The following CEBPD variants were observed in gnomAD, a reference collection of about 807,000 sequenced individuals.
CEBPD encodes the protein CCAAT/enhancer-binding protein delta.
For synonymous variants in CEBPD, 227 were observed against 194.8 expected, an observed-to-expected ratio of 1.17 and a Z score of -1.38; for missense variants, 410 against 409.4, an observed-to-expected ratio of 1.00 and a Z score of -0.01.
Position 47,737,878 on chromosome 8 carries a change from G to C in CEBPD, c.243C>G (p.Leu81=), listed in dbSNP as rs1589675402. 6.6e-7 allele frequency: 1 copy of C among 1,514,590 alleles called. No individual in the cohort carries two copies. Among genetic ancestry groups the C allele is most frequent in the East Asian group, 2.7e-5 (1 of 36,430 alleles). 93.8% of individuals were successfully genotyped at this position (1,514,590 alleles called of 1,614,324 possible). Residue 81 remains leucine, a synonymous_variant, in exon 1 of 1, where the codon CTC becomes CTG. Coordinates refer to ENST00000408965, the MANE Select transcript of CEBPD (RefSeq NM_005195.4). ...GATTGCTGTTGAAGAGGTCGGCGAA[G>C]AGCTCGTCGTGGCACAGCTCCAGGG... ...VPTLELCHDE[L]FADLFNSNHK... is the part of the protein sequence containing the mutation.
At position 47,737,838 on chromosome 8, in the gene CEBPD, C is replaced by A. The variant is rs777241531; in HGVS notation, c.283G>T (p.Ala95Ser). ...LFNSNHKAGGAGPLELLPGGP... is the reference protein window; with the variant it reads ...LFNSNHKAGGSGPLELLPGGP... ...CCGGGAAGAAGCTCCAGGGGCCCCG[C>A]GCCGCCCGCCTTGTGATTGCTGTTG... is the stretch of plus-strand genomic sequence containing the variant. Residue 95 changes from alanine to serine, a missense_variant, in exon 1 of 1, where the codon GCG (alanine) becomes TCG (serine). Coordinates refer to ENST00000408965, the MANE Select transcript of CEBPD (RefSeq NM_005195.4). 1 of 1,460,466 alleles carries A rather than the reference C, an allele frequency of 6.8e-7. No homozygotes were observed. Among genetic ancestry groups the A allele is most frequent in the South Asian group, 1.3e-5 (1 of 74,484 alleles). The allele number at this position is 1,460,466 out of a possible 1,614,324, so 90.5% of individuals were successfully genotyped here.
In CEBPD at chr8:47,737,848, C is replaced by T. The variant is rs113725090; in HGVS notation, c.273G>A (p.Lys91=). 5.4e-6 allele frequency: 8 copies of T among 1,485,320 alleles called. No individual in the cohort carries two copies. The African/African-American group carries it at 7.2e-5, about 13-fold the overall frequency. The allele number at this position is 1,485,320 out of a possible 1,614,324, so 92.0% of individuals were successfully genotyped here. A position where few individuals can be genotyped will look rare whatever the true frequency, so the allele number is the denominator to read the frequency against. ...GCTCCAGGGGCCCCGCGCCGCCCGC[C>T]TTGTGATTGCTGTTGAAGAGGTCGG... ...LFADLFNSNH[K]AGGAGPLELL... The change falls in exon 1 of 1, where the codon AAG becomes AAA. Residue 91 remains lysine, a synonymous_variant. Coordinates refer to ENST00000408965, the MANE Select transcript of CEBPD (RefSeq NM_005195.4).
chr8:47,738,045 C>A lies in CEBPD; in HGVS notation c.76G>T (p.Glu26Ter). Residue 26 changes from glutamate to a stop codon, truncating the protein, a stop_gained, in exon 1 of 1, where the codon GAA becomes TAA. Transcript: ENST00000408965. LOFTEE classifies it low-confidence loss of function (END_TRUNC). The surrounding 1 kb of genome is among the most constrained non-coding windows in gnomAD (Gnocchi z 4.1). ...CCCGGCTTGCCCGCCCGGCCCGGTT[C>A]GTAGAAGGGCGCAGGCTCCGCAGGC... ...PWPAEPAPFYEPGRAGKPGRG... is the reference protein window; with the variant it reads ...PWPAEPAPFY 2 of 1,274,322 alleles carry A rather than the reference C, an allele frequency of 1.6e-6. No homozygotes were observed. Among genetic ancestry groups the A allele is most frequent in the Non-Finnish European group, 9.9e-7 (1 of 1,010,832 alleles). 78.9% of individuals were successfully genotyped at this position (1,274,322 alleles called of 1,614,324 possible).
chr8:47,737,562 G>C lies in CEBPD; in HGVS notation c.559C>G (p.Pro187Ala). 1 of 1,571,592 alleles carries C rather than the reference G, an allele frequency of 6.4e-7. No individual in the cohort carries two copies. The highest frequency in any genetic ancestry group is 8.6e-7 in the Non-Finnish European group (1 of 1,163,142). The change falls in exon 1 of 1, where the codon CCG becomes GCG. Residue 187 changes from proline to alanine, a missense_variant. Transcript: ENST00000408965. ...AREKSAGKRG[P>A]DRGSPEYRQR... ...CGGTACTCGGGGCTGCCGCGGTCCGGGCCCCTCTTGCCGGCGCTCTTCTCC... is the reference window on the plus strand; with the variant it reads ...CGGTACTCGGGGCTGCCGCGGTCCGCGCCCCTCTTGCCGGCGCTCTTCTCC...
Position 47,736,986 on chromosome 8 carries a change from T to C in CEBPD, c.*325A>G, listed in dbSNP as rs1307068166. 2.6e-5 allele frequency: 8 copies of C among 309,108 alleles called. No homozygotes were observed. Among genetic ancestry groups the C allele is most frequent in the Non-Finnish European group, 4.7e-5 (8 of 170,672 alleles). 19.1% of individuals were successfully genotyped at this position (309,108 alleles called of 1,614,324 possible). A position where few individuals can be genotyped will look rare whatever the true frequency, so the allele number is the denominator to read the frequency against. ...TAAAAAAGTGAGCATGCTCAGTCTT[T>C]TCCTCTTATCTACAATACAAAGGGT... On this transcript the variant is annotated 3_prime_UTR_variant, in exon 1 of 1. Transcript: ENST00000408965.
chr8:47,738,010 G>A lies in CEBPD; in HGVS notation c.111C>T (p.Ala37=). 1.5e-6 allele frequency: 2 copies of A among 1,343,448 alleles called. No homozygotes were observed. The highest frequency in any genetic ancestry group is 9.6e-7 in the Non-Finnish European group (1 of 1,043,888). The allele number at this position is 1,343,448 out of a possible 1,614,324, so 83.2% of individuals were successfully genotyped here. A position where few individuals can be genotyped will look rare whatever the true frequency, so the allele number is the denominator to read the frequency against. ...CTGGCTCGCCTAGGGCCCCTGGCTC[G>A]GCCCCGCGGCCCGGCTTGCCCGCCC... ...PGRAGKPGRG[A]EPGALGEPGA... The change falls in exon 1 of 1, where the codon GCC becomes GCT. Residue 37 remains alanine, a synonymous_variant. Coordinates refer to ENST00000408965, the MANE Select transcript of CEBPD (RefSeq NM_005195.4). The surrounding 1 kb of genome is among the most constrained non-coding windows in gnomAD (Gnocchi z 4.1).
chr8:47,737,337 C>T lies in CEBPD; in HGVS notation c.784G>A (p.Ala262Thr). Residue 262 changes from alanine (A) to threonine (T), a missense_variant, in exon 1 of 1, where the codon GCC becomes ACC. Physicochemically the swap from Ala to Thr is moderately conservative, Grantham distance 58 (BLOSUM62 0). Transcript: ENST00000408965. ...TACCGGCAGTCTGCTGTCCCGGCGG[C>T]CGGCAGGAAGGGCGGGCTGGGCAGC... is the stretch of plus-strand genomic sequence containing the variant. The part of the protein sequence containing the change: ...KQLPSPPFLP[A>T]AGTADCR 1 of 1,594,910 alleles carries T rather than the reference C, an allele frequency of 6.3e-7. No individual in the cohort carries two copies. The highest frequency in any genetic ancestry group is 8.5e-7 in the Non-Finnish European group (1 of 1,172,856).
chr8:47,737,974 G>C lies in CEBPD; in HGVS notation c.147C>G (p.Ala49=), dbSNP rs1563717393. 6.8e-7 allele frequency: 1 copy of C among 1,474,312 alleles called. No individual in the cohort carries two copies. The highest frequency in any genetic ancestry group is 9.0e-7 in the Non-Finnish European group (1 of 1,107,536). 91.3% of individuals were successfully genotyped at this position (1,474,312 alleles called of 1,614,324 possible). A position where few individuals can be genotyped will look rare whatever the true frequency, so the allele number is the denominator to read the frequency against. Residue 49 remains alanine (A), a synonymous_variant, in exon 1 of 1, where the codon GCC becomes GCG. Transcript: ENST00000408965. ...PGALGEPGAA[A]PAMYDDESAI... ...CGCTCTCGTCGTCGTACATGGCGGG[G>C]GCGGCGGCGCCTGGCTCGCCTAGGG...
rs961130780 is a variant in CEBPD, at chr8:47,737,185, T to G, written c.*126A>C. The G allele has an allele frequency of 1.3e-6, 1 of 784,158 alleles. No individual in the cohort carries two copies. Among genetic ancestry groups the G allele is most frequent in the Non-Finnish European group, 1.9e-6 (1 of 516,200 alleles). 48.6% of individuals were successfully genotyped at this position (784,158 alleles called of 1,614,324 possible). ...CCAGGCTGTAGCTTCTTTGCGCTCC[T>G]ATGTCCCAAGAAACTGCAGCGGGCA... On this transcript the variant is annotated 3_prime_UTR_variant, in exon 1 of 1. Transcript: ENST00000408965.
Position 47,737,018 on chromosome 8 carries a change from G to C in CEBPD, c.*293C>G, listed in dbSNP as rs552256601. 24 of 377,212 alleles carry C rather than the reference G, an allele frequency of 6.4e-5. No individual in the cohort carries two copies. The highest frequency in any genetic ancestry group is 4.8e-4 in the African/African-American group (23 of 48,050). 23.4% of individuals were successfully genotyped at this position (377,212 alleles called of 1,614,324 possible). A position where few individuals can be genotyped will look rare whatever the true frequency, so the allele number is the denominator to read the frequency against. On this transcript the variant is annotated 3_prime_UTR_variant, in exon 1 of 1. Coordinates refer to ENST00000408965, the MANE Select transcript of CEBPD (RefSeq NM_005195.4). The stretch of plus-strand genomic sequence containing the variant: ...TATCTACAATACAAAGGGTTTGTCT[G>C]AAAAGTCTGGTTTTTTTTCTTTTTA...
chr8:47,738,104 A>T lies in CEBPD; in HGVS notation c.17T>A (p.Phe6Tyr). 2 of 1,181,704 alleles carry T rather than the reference A, an allele frequency of 1.7e-6. No individual in the cohort carries two copies. The highest frequency in any genetic ancestry group is 2.1e-6 in the Non-Finnish European group (2 of 956,466). The allele number at this position is 1,181,704 out of a possible 1,614,324, so 73.2% of individuals were successfully genotyped here. Residue 6 changes from phenylalanine to tyrosine, a missense_variant, in exon 1 of 1, where the codon TTC becomes TAC. Transcript: ENST00000408965. The surrounding 1 kb of genome is among the most constrained non-coding windows in gnomAD (Gnocchi z 4.1). MSAAL[F>Y]SLDGPARGAP... ...GCCGCGCGCCGGGCCGTCCAGGCTG[A>T]AGAGCGCGGCGCTCATGGCGGCGTC... is the stretch of plus-strand genomic sequence containing the variant.
At position 47,737,564 on chromosome 8, in the gene CEBPD, C is replaced by T. The variant is rs761817545; in HGVS notation, c.557G>A (p.Gly186Asp). Residue 186 changes from glycine (G) to aspartate (D), a missense_variant, in exon 1 of 1, where the codon GGC becomes GAC. By Grantham distance (94) the Gly-to-Asp change is moderately conservative. Coordinates refer to ENST00000408965, the MANE Select transcript of CEBPD (RefSeq NM_005195.4). ...GTACTCGGGGCTGCCGCGGTCCGGG[C>T]CCCTCTTGCCGGCGCTCTTCTCCCG... ...PAREKSAGKRGPDRGSPEYRQ... is the reference protein window; with the variant it reads ...PAREKSAGKRDPDRGSPEYRQ... The T allele has an allele frequency of 3.2e-6, 5 of 1,565,440 alleles. No individual in the cohort carries two copies. Among genetic ancestry groups the T allele is most frequent in the Non-Finnish European group, 3.4e-6 (4 of 1,160,394 alleles).
At position 47,737,028 on chromosome 8, in the gene CEBPD, G is replaced by GC. The variant is rs1563716285; in HGVS notation, c.*282_*283insG. ...ACAAAGGGTTTGTCTGAAAAGTCTG[G>GC]TTTTTTTTCTTTTTACAAATGTACC... On this transcript the variant is annotated 3_prime_UTR_variant, in exon 1 of 1. Coordinates refer to ENST00000408965, the MANE Select transcript of CEBPD (RefSeq NM_005195.4). 5.2e-6 allele frequency: 2 copies of GC among 387,710 alleles called. No individual in the cohort carries two copies. Among genetic ancestry groups the GC allele is most frequent in the Non-Finnish European group, 9.1e-6 (2 of 218,878 alleles). 24.0% of individuals were successfully genotyped at this position (387,710 alleles called of 1,614,324 possible).
At position 47,737,912 on chromosome 8, in the gene CEBPD, G is replaced by A. The variant is rs2086284843; in HGVS notation, c.209C>T (p.Ala70Val). Residue 70 changes from alanine to valine, a missense_variant, in exon 1 of 1, where the codon GCC (alanine) becomes GTC (valine). Physicochemically the swap from Ala to Val is moderately conservative, Grantham distance 64 (BLOSUM62 0). Coordinates refer to ENST00000408965, the MANE Select transcript of CEBPD (RefSeq NM_005195.4). The stretch of plus-strand genomic sequence containing the variant: ...GTGGCACAGCTCCAGGGTGGGCACG[G>A]CGGCCATGGAGTCGATGTAGGCGCT... Reference protein sequence around the residue: ...DFSAYIDSMAAVPTLELCHDE... With the variant: ...DFSAYIDSMAVVPTLELCHDE... 2.6e-6 allele frequency: 4 copies of A among 1,510,208 alleles called. No individual in the cohort carries two copies. The highest frequency in any genetic ancestry group is 3.6e-6 in the Non-Finnish European group (4 of 1,124,926). 93.6% of individuals were successfully genotyped at this position (1,510,208 alleles called of 1,614,324 possible).
Position 47,737,242 on chromosome 8 carries a change from G to A in CEBPD, c.*69C>T, listed in dbSNP as rs2086265767. 1.1e-5 allele frequency: 16 copies of A among 1,403,386 alleles called. No individual in the cohort carries two copies. The highest frequency in any genetic ancestry group is 1.5e-5 in the Non-Finnish European group (16 of 1,058,110). The allele number at this position is 1,403,386 out of a possible 1,614,324, so 86.9% of individuals were successfully genotyped here. A position where few individuals can be genotyped will look rare whatever the true frequency, so the allele number is the denominator to read the frequency against. On this transcript the variant is annotated 3_prime_UTR_variant, in exon 1 of 1. Transcript: ENST00000408965. ...GGCTCTGGCTGCGCCAGGGCAGGGC[G>A]CGCTCCGCTCCGGGCCGTCGGGTCT...
Position 47,737,672 on chromosome 8 carries a change from G to T in CEBPD, c.449C>A (p.Ala150Glu). ...AACAQTVVSL[A>E]AAGQPTPPTS... is the part of the protein sequence containing the mutation. ...GGGCGGGGTGGGCTGCCCTGCGGCC[G>T]CCAAGCTCACCACGGTCTGTGCGCA... is the stretch of plus-strand genomic sequence containing the variant. Residue 150 changes from alanine to glutamate, a missense_variant, in exon 1 of 1, where the codon GCG becomes GAG. Physicochemically the swap from Ala to Glu is moderately radical, Grantham distance 107. Coordinates refer to ENST00000408965, the MANE Select transcript of CEBPD (RefSeq NM_005195.4). 2 of 1,242,272 alleles carry T rather than the reference G, an allele frequency of 1.6e-6. No individual in the cohort carries two copies. The highest frequency in any genetic ancestry group is 6.9e-5 in the South Asian group (2 of 29,044). The allele number at this position is 1,242,272 out of a possible 1,614,324, so 77.0% of individuals were successfully genotyped here. A position where few individuals can be genotyped will look rare whatever the true frequency, so the allele number is the denominator to read the frequency against.
In CEBPD at chr8:47,737,270, G is replaced by A. The variant is rs758306640; in HGVS notation, c.*41C>T. On this transcript the variant is annotated 3_prime_UTR_variant, in exon 1 of 1. Coordinates refer to ENST00000408965, the MANE Select transcript of CEBPD (RefSeq NM_005195.4). ...CTCCGCTCCGGGCCGTCGGGTCTGA[G>A]GTATGGGTCGTTGCTGAGTCTCTCC... The A allele has an allele frequency of 9.7e-5, 149 of 1,535,342 alleles. No homozygotes were observed. Among genetic ancestry groups the A allele is most frequent in the Non-Finnish European group, 1.3e-4 (144 of 1,139,484 alleles).
At position 47,737,174 on chromosome 8, in the gene CEBPD, C is replaced by T; in HGVS notation, c.*137G>A. 1.5e-6 allele frequency: 1 copy of T among 686,334 alleles called. No individual in the cohort carries two copies. The highest frequency in any genetic ancestry group is 2.3e-6 in the Non-Finnish European group (1 of 433,486). 42.5% of individuals were successfully genotyped at this position (686,334 alleles called of 1,614,324 possible). On this transcript the variant is annotated 3_prime_UTR_variant, in exon 1 of 1. Transcript: ENST00000408965. ...TGGTGGTAAGTCCAGGCTGTAGCTTCTTTGCGCTCCTATGTCCCAAGAAAC... is the reference window on the plus strand; with the variant it reads ...TGGTGGTAAGTCCAGGCTGTAGCTTTTTTGCGCTCCTATGTCCCAAGAAAC...
chr8:47,737,970 C>CG lies in CEBPD; in HGVS notation c.150dup (p.Ala51ArgfsTer179). 6.8e-7 allele frequency: 1 copy of CG among 1,474,588 alleles called. No individual in the cohort carries two copies. The highest frequency in any genetic ancestry group is 2.2e-5 in the Admixed American group (1 of 44,630). The allele number at this position is 1,474,588 out of a possible 1,614,324, so 91.3% of individuals were successfully genotyped here. A position where few individuals can be genotyped will look rare whatever the true frequency, so the allele number is the denominator to read the frequency against. ...ATGGCGCTCTCGTCGTCGTACATGG[C>CG]GGGGGCGGCGGCGCCTGGCTCGCCT... On this transcript the variant is annotated frameshift_variant, in exon 1 of 1. Transcript: ENST00000408965. LOFTEE classifies it low-confidence loss of function (END_TRUNC).
Sources: allele counts gnomAD v4.1 joint callset, GRCh38; gene constraint gnomAD v4.1.1; non-coding constraint Gnocchi (gnomAD v3.1); transcripts MANE v1.5; gene names NCBI Gene and HGNC (gene_info 2026-07-23, HGNC 2026-07-21).